The following LGSN variants were observed in gnomAD, a reference collection of about 807,000 sequenced individuals.
The protein encoded by LGSN is lengsin, lens protein with glutamine synthetase domain, also known as lengsin.
LGSN carries 21 observed loss-of-function variants against 19.5 expected under a neutral mutation model. The observed-to-expected ratio is 1.07, with a 90% confidence interval of 0.76 to 1.55. The LOEUF is 1.55. Among genes scored for constraint, LGSN ranks in the 40% most tolerant of loss-of-function variants. The pLI, the probability that LGSN is intolerant of heterozygous loss-of-function variation, is 0.00. For missense variants in LGSN, 673 were observed against 608.5 expected (o/e 1.11, Z -1.12); for synonymous variants, 257 against 215.6 (o/e 1.19, Z -1.68).
At chr6:63,500,444 G>A in the LGSN span, among the ~76,000 whole-genome samples, 4 of 151,502 alleles carry the variant, frequency 2.6e-5, no homozygotes, top group East Asian at 1.9e-4. Context: ...TTTTTGAGAC[G>A]GAGTTTCACT....
At chr6:63,500,331 G>A in the LGSN span, among the ~76,000 whole-genome samples, 2 of 152,180 alleles carry the variant, frequency 1.3e-5, no homozygotes, top group East Asian at 1.9e-4. Flanking sequence ...ATGGTCAAGA[G>A]CACTGGCTTA....
intron 1 of LGSN, among the ~76,000 whole-genome samples, chr6:63,314,969 T>C (rs1164357252): frequency 6.6e-6 from 1 of 151,900 alleles, no homozygotes. Context: ...AGAAGGACAA[T>C]GACAAAAATA....
At chr6:63,368,125 G>GAA in the LGSN span, among the ~76,000 whole-genome samples, 18,846 of 149,744 alleles carry the variant, frequency 0.13, 2,550 homozygotes, top group African/African-American at 0.34. Context: ...CAGAAAAAAA[G>GAA]AAAAAAAAAG....
the LGSN span, among the ~76,000 whole-genome samples, chr6:63,330,169 CGA>C: frequency 6.6e-5 from 10 of 152,166 alleles, no homozygotes; most frequent in Non-Finnish European, 1.5e-4. Flanking sequence ...TGGACATGGA[CGA>C]GGGTGCAGCT....
chr6:63,561,305 T>A, the LGSN span, among the ~76,000 whole-genome samples: 1 of 152,170 alleles, frequency 6.6e-6, no homozygotes, highest in African/African-American at 2.4e-5. Context: ...GAGAGATTTA[T>A]GAAAGGTTTA....
At chr6:63,472,890 G>A in the LGSN span, among the ~76,000 whole-genome samples, 38 of 152,036 alleles carry the variant, frequency 2.5e-4, no homozygotes, top group African/African-American at 8.7e-4. Context: ...GCAGTGAGCC[G>A]AGATCATGCC....
At chr6:63,398,444 C>T in the LGSN span, among the ~76,000 whole-genome samples, 1 of 151,254 alleles carries the variant, frequency 6.6e-6, no homozygotes, top group African/African-American at 2.4e-5. Context: ...AACAAAAATG[C>T]CTTAAAAGTA....
Position 63,278,771 on chromosome 6 carries a change from A to C in LGSN, c.*1250T>G, listed in dbSNP as rs1436981649. On this transcript the variant is annotated 3_prime_UTR_variant, in exon 4 of 4. Transcript: ENST00000370657. Reference sequence around the variant, plus strand: ...CACACTTCTCCTGCTCAAAGGAAAAAAGAAGGGAGTAATTAGTGAAGGATA... The same window carrying C: ...CACACTTCTCCTGCTCAAAGGAAAACAGAAGGGAGTAATTAGTGAAGGATA... 1 of 152,168 alleles carries C rather than the reference A, an allele frequency of 6.6e-6. No individual in the cohort carries two copies. The highest frequency in any genetic ancestry group is 1.5e-5 in the Non-Finnish European group (1 of 68,032). 9.4% of individuals were successfully genotyped at this position (152,168 alleles called of 1,614,324 possible).
intron 1 of LGSN, among the ~76,000 whole-genome samples, chr6:63,305,301 C>T (rs539199009): frequency 1.3e-5 from 2 of 152,244 alleles, no homozygotes; most frequent in South Asian, 4.2e-4. Flanking sequence ...ACTGCTATTT[C>T]CCAGTGGAAT....
At chr6:63,305,294 G>T (rs1050815989) in intron 1 of LGSN, among the ~76,000 whole-genome samples, 4 of 152,050 alleles carry the variant, frequency 2.6e-5, no homozygotes, top group Admixed American at 2.6e-4. Context: ...CCACTGTACT[G>T]CTATTTCCCA....
the LGSN span, among the ~76,000 whole-genome samples, chr6:63,329,439 G>A: frequency 2.6e-5 from 4 of 152,360 alleles, no homozygotes; most frequent in Non-Finnish European, 4.4e-5. Context: ...CTAAGATCTT[G>A]CACTAGTCTC....
the LGSN span, among the ~76,000 whole-genome samples, chr6:63,512,834 T>G: frequency 6.6e-6 from 1 of 152,220 alleles, no homozygotes; most frequent in South Asian, 2.1e-4. Context: ...TTTGGTATGA[T>G]GCTTAGAATC....
chr6:63,540,379 G>C, the LGSN span, among the ~76,000 whole-genome samples: 1 of 152,096 alleles, frequency 6.6e-6, no homozygotes, highest in Admixed American at 6.6e-5. Context: ...CCAGCACTTT[G>C]GGAGGCTGAG....
the LGSN span, among the ~76,000 whole-genome samples, chr6:63,375,096 A>C: frequency 6.6e-6 from 1 of 152,204 alleles, no homozygotes; most frequent in Non-Finnish European, 1.5e-5. Flanking sequence ...TTTCCGGGGC[A>C]ATAAGAAAAC....
At chr6:63,318,047 GT>G (rs745576389) in intron 1 of LGSN, among the ~76,000 whole-genome samples, 19 of 150,442 alleles carry the variant, frequency 1.3e-4, no homozygotes, top group Non-Finnish European at 2.5e-4. Flanking sequence ...GTAAGAATGT[GT>G]TTTCAATCTA....
chr6:63,288,708 T>C (rs914136652), intron 2 of LGSN, among the ~76,000 whole-genome samples: 2 of 152,240 alleles, frequency 1.3e-5, no homozygotes, highest in Non-Finnish European at 2.9e-5. Context: ...GTCAGCAGGA[T>C]TGTTTCTTCT....
At chr6:63,494,054 A>G in the LGSN span, among the ~76,000 whole-genome samples, 1 of 149,830 alleles carries the variant, frequency 6.7e-6, no homozygotes, top group Non-Finnish European at 1.5e-5. Context: ...GGTTCAAGTG[A>G]TTCTCCTGCC....
the LGSN span, among the ~76,000 whole-genome samples, chr6:63,421,905 G>T: frequency 0.6 from 91,337 of 151,900 alleles, 27,773 homozygotes; most frequent in African/African-American, 0.64. Context: ...AGTAGTTGAA[G>T]AAATAAATAT....
the LGSN span, among the ~76,000 whole-genome samples, chr6:63,456,391 A>ATATATATG: frequency 3.6e-5 from 4 of 110,422 alleles, no homozygotes; most frequent in Admixed American, 9.2e-5. Context: ...ATATATATAT[A>ATATATATG]TACTTTTTTT....
Sources: gnomAD v4.1 joint callset for allele counts (sites outside exome capture counted in the v4.1 genomes callset) on GRCh38, gnomAD v4.1.1 for gene constraint, MANE v1.5 for transcripts, NCBI Gene and HGNC (gene_info 2026-07-23, HGNC 2026-07-21) for gene names.